The following SHANK2 variants were observed in gnomAD, a reference collection of about 807,000 sequenced individuals.
The protein encoded by SHANK2 is SH3 and multiple ankyrin repeat domains 2.
In SHANK2, 43 loss-of-function variants were observed where a neutral mutation model predicts 133.7. The ratio of observed to expected loss-of-function variants is 0.32; its 90% CI spans 0.25 to 0.41. The LOEUF (loss-of-function observed/expected upper bound fraction) is 0.41, where lower values mean the gene tolerates loss of function less well. SHANK2 is among the 10% of genes least tolerant of loss of function. The pLI, the probability that SHANK2 is intolerant of heterozygous loss-of-function variation, is 1.00. For synonymous variants in SHANK2, 1,017 were observed against 952.8 expected (o/e 1.07, Z -1.24); for missense variants, 1,994 against 2,235.8 (o/e 0.89, Z 2.18).
rs1555152707 is a variant in SHANK2, at chr11:70,485,348, G to C, written c.4945C>G (p.Pro1649Ala). 2.5e-6 allele frequency: 4 copies of C among 1,613,812 alleles called. No homozygotes were observed. The East Asian group carries it at 8.9e-5, about 36-fold the overall frequency. The part of the protein sequence containing the change: ...LAKPGEGLDS[P>A]MGAKSASLAP... ...AGGCTGGCGGACTTGGCTCCCATTG[G>C]TGAATCCAGTCCTTCCCCCGGCTTT... The change falls in exon 25 of 26, where the codon CCA (proline) becomes GCA (alanine). Residue 1649 changes from proline to alanine, a missense_variant. Around this residue, in one of 5 missense-constraint regions of SHANK2, gnomAD observed 797 missense variants for 907.4 expected, o/e 0.88. Transcript: ENST00000601538. The surrounding 1 kb of genome is among the most constrained non-coding windows in gnomAD (Gnocchi z 5.8).
Position 70,500,609 on chromosome 11 carries a change from A to T in SHANK2, c.2288-19T>A, listed in dbSNP as rs782630589. 8.1e-6 allele frequency: 13 copies of T among 1,598,154 alleles called. No individual in the cohort carries two copies. Among genetic ancestry groups the T allele is most frequent in the Non-Finnish European group, 1.1e-5 (13 of 1,173,014 alleles). On this transcript the variant is annotated intron_variant, in intron 20 of 25. Coordinates refer to ENST00000601538, the MANE Select transcript of SHANK2 (RefSeq NM_012309.5). This position sits in a 1 kb window ranked among gnomAD's most constrained non-coding sequence, Gnocchi z 4.5. ...ACCGAGGCTTGCAAACAGAAAGGGG[A>T]CCGCCATGAGCCACCAGGATGCAGC...
At chr11:70,904,150 C>A (rs931626675) in intron 10 of SHANK2, among the ~76,000 whole-genome samples, 1 of 152,158 alleles carries the variant, frequency 6.6e-6, no homozygotes, top group Non-Finnish European at 1.5e-5. Flanking sequence ...AACTCAGAAA[C>A]AAACCACTCA....
intron 17 of SHANK2, among the ~76,000 whole-genome samples, chr11:70,558,236 T>C (rs962147470): frequency 2.6e-5 from 4 of 152,202 alleles, no homozygotes; most frequent in African/African-American, 9.6e-5. Flanking sequence ...CACTGGGGCT[T>C]CGGTAGGAGC....
intron 10 of SHANK2, among the ~76,000 whole-genome samples, chr11:70,950,777 T>G (rs1463283334): frequency 6.6e-6 from 1 of 151,484 alleles, no homozygotes; most frequent in Admixed American, 6.6e-5. Context: ...CCAGCTAATT[T>G]TGTGTGTGTG....
intron 3 of SHANK2, among the ~76,000 whole-genome samples, chr11:71,123,105 C>T (rs1952110026): frequency 6.6e-6 from 1 of 152,160 alleles, no homozygotes; most frequent in African/African-American, 2.4e-5. Flanking sequence ...ACACCAGCTC[C>T]CGGCAAGCCC....
chr11:70,486,648 C>G lies in SHANK2; in HGVS notation c.3645G>C (p.Pro1215=). ...CCCTTGCGGAGAGTGCCAGGGCCAG[C>G]GGGGAGCTGGGATCAAGCAGCCGCC... The part of the protein sequence containing the change: ...LTGRLLDPSS[P]LALALSARDR... The change falls in exon 25 of 26, where the codon CCG becomes CCC. Residue 1215 remains proline, a synonymous_variant. Transcript: ENST00000601538. The surrounding 1 kb of genome is among the most constrained non-coding windows in gnomAD (Gnocchi z 8.0). The G allele has an allele frequency of 6.2e-7, 1 of 1,612,386 alleles. No homozygotes were observed. Among genetic ancestry groups the G allele is most frequent in the Non-Finnish European group, 8.5e-7 (1 of 1,179,994 alleles).
chr11:70,823,757 T>G (rs782123559), intron 11 of SHANK2, among the ~76,000 whole-genome samples: 1 of 146,298 alleles, frequency 6.8e-6, no homozygotes, highest in Non-Finnish European at 1.5e-5. Context: ...TTGGCAGCGT[T>G]CATGGGGGAC....
intron 17 of SHANK2, among the ~76,000 whole-genome samples, chr11:70,598,037 C>T (rs374548920): frequency 3.9e-5 from 6 of 152,334 alleles, no homozygotes; most frequent in African/African-American, 1.2e-4. Flanking sequence ...GCACACAGGG[C>T]AATGCTGTCC....
At chr11:70,783,725 G>A (rs1457677791) in intron 14 of SHANK2, among the ~76,000 whole-genome samples, 5 of 152,106 alleles carry the variant, frequency 3.3e-5, no homozygotes, top group Admixed American at 2.6e-4. Context: ...GGGTCCACAG[G>A]GTTTGTTTTA....
At chr11:70,711,210 C>T (rs1000054331) in intron 14 of SHANK2, among the ~76,000 whole-genome samples, 8 of 152,336 alleles carry the variant, frequency 5.3e-5, no homozygotes, top group African/African-American at 1.2e-4. Flanking sequence ...GCTCCTGCAA[C>T]GTGCAGCCTT....
At chr11:70,808,654 G>A (rs143053865) in intron 12 of SHANK2, among the ~76,000 whole-genome samples, 35 of 151,300 alleles carry the variant, frequency 2.3e-4, no homozygotes, top group African/African-American at 8.0e-4. Context: ...AGGATTGCTT[G>A]TGGCCAGGAG....
At chr11:70,665,392 C>A (rs1375606876) in intron 15 of SHANK2, among the ~76,000 whole-genome samples, 1 of 98,302 alleles carries the variant, frequency 1.0e-5, no homozygotes, top group South Asian at 2.9e-4. Context: ...GCTCCCTTCT[C>A]AGCCTCCAAG....
intron 14 of SHANK2, among the ~76,000 whole-genome samples, chr11:70,763,347 AGG>A (rs1276195607): frequency 2.6e-5 from 2 of 76,406 alleles, no homozygotes; most frequent in Non-Finnish European, 7.8e-5. Flanking sequence ...CAGGGGACAC[AGG>A]GGCACAGAGG....
chr11:70,716,652 G>T (rs1481382908), intron 14 of SHANK2, among the ~76,000 whole-genome samples: 1 of 152,114 alleles, frequency 6.6e-6, no homozygotes, highest in African/African-American at 2.4e-5. Context: ...AGCAAGCCAG[G>T]GCCAGATGCT....
intron 3 of SHANK2, among the ~76,000 whole-genome samples, chr11:71,145,721 T>C (rs1952630097): frequency 6.6e-6 from 1 of 152,108 alleles, no homozygotes; most frequent in African/African-American, 2.4e-5. Flanking sequence ...CCAGCAACAC[T>C]CAGCCAGTAG....
At chr11:70,662,405 G>A (rs1390179883) in intron 15 of SHANK2, among the ~76,000 whole-genome samples, 1 of 152,202 alleles carries the variant, frequency 6.6e-6, no homozygotes, top group African/African-American at 2.4e-5. Flanking sequence ...TCCGCAGGCT[G>A]GGCTGGGAGA....
chr11:70,549,884 G>A (rs967052258), intron 17 of SHANK2, among the ~76,000 whole-genome samples: 2 of 152,210 alleles, frequency 1.3e-5, no homozygotes, highest in African/African-American at 4.8e-5. Flanking sequence ...AAGACACAGC[G>A]AAGCTCCGGT....
chr11:71,166,694 G>C (rs577513666), intron 2 of SHANK2, among the ~76,000 whole-genome samples: 3 of 151,706 alleles, frequency 2.0e-5, no homozygotes, highest in Non-Finnish European at 4.4e-5. Flanking sequence ...TGTTGGCCAG[G>C]CTGGTTATGA....
At position 71,110,068 on chromosome 11, in the gene SHANK2, C is replaced by G; in HGVS notation, c.484-19G>C. 2 of 1,474,944 alleles carry G rather than the reference C, an allele frequency of 1.4e-6. No individual in the cohort carries two copies. The highest frequency in any genetic ancestry group is 1.2e-5 in the South Asian group (1 of 82,544). The allele number at this position is 1,474,944 out of a possible 1,614,324, so 91.4% of individuals were successfully genotyped here. A position where few individuals can be genotyped will look rare whatever the true frequency, so the allele number is the denominator to read the frequency against. On this transcript the variant is annotated intron_variant, in intron 5 of 25. Coordinates refer to ENST00000601538, the MANE Select transcript of SHANK2 (RefSeq NM_012309.5). The stretch of plus-strand genomic sequence containing the variant: ...GATTGGTCTAGAAGGAAAAACAATA[C>G]AATTGAAACATCTTTATAAGAAATG...
Sources: allele counts gnomAD v4.1 joint callset (sites outside exome capture counted in the v4.1 genomes callset), GRCh38; gene constraint gnomAD v4.1.1; regional missense constraint gnomAD v4.1.1; non-coding constraint Gnocchi (gnomAD v3.1); transcripts MANE v1.5; gene names NCBI Gene and HGNC (gene_info 2026-07-23, HGNC 2026-07-21).